The following TYW1 variants were observed in gnomAD, a reference collection of about 807,000 sequenced individuals.
TYW1 encodes S-adenosyl-L-methionine-dependent tRNA 4-demethylwyosine synthase TYW1.
Under a neutral mutation model 96.2 loss-of-function variants are expected in TYW1, and 46 were observed. The ratio of observed to expected loss-of-function variants is 0.48; its 90% CI spans 0.38 to 0.61. The LOEUF (loss-of-function observed/expected upper bound fraction) is 0.61, where lower values mean the gene tolerates loss of function less well. TYW1 is among the 20% of genes least tolerant of loss of function. The pLI is 0.00. For missense variants in TYW1, 684 were observed against 909.6 expected (o/e 0.75, Z 3.19); for synonymous variants, 274 against 323.0 (o/e 0.85, Z 1.63).
intron 13 of TYW1, among the ~76,000 whole-genome samples, chr7:67,121,758 A>G (rs1459565392): frequency 6.6e-6 from 1 of 150,752 alleles, no homozygotes; most frequent in East Asian, 1.9e-4. Context: ...TTTTCAGCCT[A>G]TTTCTGATCT....
At chr7:67,137,953 A>C (rs571717618) in intron 13 of TYW1, among the ~76,000 whole-genome samples, 1 of 152,182 alleles carries the variant, frequency 6.6e-6, no homozygotes, top group Non-Finnish European at 1.5e-5. Flanking sequence ...TTGATCCCAG[A>C]GTACCGAAAA....
intron 11 of TYW1, among the ~76,000 whole-genome samples, chr7:67,096,160 C>T (rs534763037): frequency 6.6e-5 from 10 of 152,222 alleles, no homozygotes; most frequent in Admixed American, 2.0e-4. Context: ...GAGGCCGAGG[C>T]GGGCAGATCA....
chr7:67,178,607 A>T (rs1045332563), intron 13 of TYW1, among the ~76,000 whole-genome samples: 8 of 152,196 alleles, frequency 5.3e-5, no homozygotes, highest in South Asian at 2.1e-4. Flanking sequence ...GGATAATGAA[A>T]ATGAACAAAC....
chr7:67,109,828 T>C (rs905762527), intron 12 of TYW1, among the ~76,000 whole-genome samples: 1 of 152,112 alleles, frequency 6.6e-6, no homozygotes. Context: ...TGCAGTGAAC[T>C]GAAATCGCAC....
intron 14 of TYW1, among the ~76,000 whole-genome samples, chr7:67,194,573 C>G (rs6979001): frequency 0.29 from 43,813 of 151,676 alleles, 7,017 homozygotes; most frequent in African/African-American, 0.43. Flanking sequence ...GTGGTGAGCC[C>G]CGATTGCGCC....
rs199864057 is a variant in TYW1, at chr7:67,222,205, AAAAAG to A, written c.1978-16093_1978-16089del. ...GAGCGAGACTCCATCTCAAAAAAATAAAAAGAAAAGAAAAAAATATAGAGTTACAA... is the reference window on the plus strand; with the variant it reads ...GAGCGAGACTCCATCTCAAAAAAATAAAAAGAAAAAAATATAGAGTTACAA... On this transcript the variant is annotated intron_variant, in intron 15 of 15. Coordinates refer to ENST00000359626, the MANE Select transcript of TYW1 (RefSeq NM_018264.4). 2.6e-4 allele frequency among the ~76,000 whole-genome samples: 39 copies of A among 152,304 alleles called. No individual in the cohort carries two copies. In the East Asian group the frequency reaches 4.6e-3, roughly 18 times the overall value.
At chr7:67,021,943 G>T (rs1209037583) in intron 6 of TYW1, among the ~76,000 whole-genome samples, 1 of 152,200 alleles carries the variant, frequency 6.6e-6, no homozygotes, top group African/African-American at 2.4e-5. Context: ...TGAGACAGGG[G>T]CTGGTCTGTT....
chr7:67,205,059 A>G (rs1300967503), intron 15 of TYW1, among the ~76,000 whole-genome samples: 1 of 152,180 alleles, frequency 6.6e-6, no homozygotes, highest in Non-Finnish European at 1.5e-5. Context: ...AGTGATTTTC[A>G]GTTGTTTCCC....
chr7:67,111,131 T>C (rs1338136455), intron 12 of TYW1, among the ~76,000 whole-genome samples: 24 of 152,094 alleles, frequency 1.6e-4, no homozygotes, highest in Non-Finnish European at 2.9e-5. Flanking sequence ...AGCCTAGATG[T>C]TGGACTTACT....
intron 13 of TYW1, among the ~76,000 whole-genome samples, chr7:67,147,024 C>T (rs1177379962): frequency 2.6e-5 from 4 of 152,170 alleles, no homozygotes; most frequent in African/African-American, 4.8e-5. Context: ...CTTCCATTTA[C>T]ATCTTTTTAG....
intron 9 of TYW1, among the ~76,000 whole-genome samples, chr7:67,064,392 C>G (rs1381804811): frequency 6.6e-6 from 1 of 152,186 alleles, no homozygotes; most frequent in East Asian, 1.9e-4. Flanking sequence ...GAAATAGACT[C>G]ACAAAATATG....
chr7:67,177,724 G>A lies in TYW1; in HGVS notation c.1699-5402G>A, dbSNP rs557310554. Among the ~76,000 whole-genome samples, 228 of 152,280 alleles carry A rather than the reference G, an allele frequency of 1.5e-3. 1 individual carries two copies. The highest frequency in any genetic ancestry group is 5.1e-3 in the African/African-American group (212 of 41,556). On this transcript the variant is annotated intron_variant, in intron 13 of 15. Transcript: ENST00000359626. ...CAACCAACCAAAACTCTGATACAACGCGGGTGAAAGTGTGGCAAAATGACT... is the reference window on the plus strand; with the variant it reads ...CAACCAACCAAAACTCTGATACAACACGGGTGAAAGTGTGGCAAAATGACT...
intron 13 of TYW1, among the ~76,000 whole-genome samples, chr7:67,120,598 T>C (rs1030386651): frequency 6.6e-6 from 1 of 152,218 alleles, no homozygotes; most frequent in Non-Finnish European, 1.5e-5. Flanking sequence ...TGGATTTACA[T>C]AGCATAAAAA....
At chr7:67,085,154 A>C (rs1796509043) in intron 11 of TYW1, among the ~76,000 whole-genome samples, 1 of 152,192 alleles carries the variant, frequency 6.6e-6, no homozygotes, top group Non-Finnish European at 1.5e-5. Context: ...CTTTCACGTA[A>C]GGAAATTTGT....
At chr7:67,168,289 T>G (rs9654854) in intron 13 of TYW1, among the ~76,000 whole-genome samples, 37,522 of 151,662 alleles carry the variant, frequency 0.25, 4,794 homozygotes, top group South Asian at 0.3. Flanking sequence ...TTATCTTTTT[T>G]GTGTATCTTG....
chr7:67,077,348 T>C (rs1488199790), intron 10 of TYW1, among the ~76,000 whole-genome samples: 2 of 152,238 alleles, frequency 1.3e-5, no homozygotes, highest in South Asian at 2.1e-4. Flanking sequence ...ACTGTGGTAG[T>C]TTACATTGCC....
chr7:66,997,346 T>C (rs1055751228), intron 1 of TYW1, among the ~76,000 whole-genome samples: 1 of 151,624 alleles, frequency 6.6e-6, no homozygotes, highest in Non-Finnish European at 1.5e-5. Flanking sequence ...AGGTGTAAGG[T>C]CAGTTACTTG....
chr7:67,238,212 G>C, intron 15 of TYW1, 96 bp from the exon 16 acceptor site: 1 of 1,536,302 alleles, frequency 6.5e-7, no homozygotes, highest in Non-Finnish European at 8.8e-7. Flanking sequence ...ACGTGATAGG[G>C]AGAAAAGATC....
chr7:67,162,279 A>G (rs2116223994), intron 13 of TYW1, among the ~76,000 whole-genome samples: 1 of 144,948 alleles, frequency 6.9e-6, no homozygotes, highest in Admixed American at 7.3e-5. Flanking sequence ...GCACCACTGC[A>G]CTCCAGCCTG....
Sources: gnomAD v4.1 joint callset for allele counts (sites outside exome capture counted in the v4.1 genomes callset) on GRCh38, gnomAD v4.1.1 for gene constraint, MANE v1.5 for transcripts, NCBI Gene and HGNC (gene_info 2026-07-23, HGNC 2026-07-21) for gene names.